The following IL1RAPL1 variants were observed in gnomAD, a reference collection of about 807,000 sequenced individuals.
IL1RAPL1 encodes the protein interleukin 1 receptor accessory protein like 1.
Under a neutral mutation model 48.4 loss-of-function variants are expected in IL1RAPL1, and 3 were observed. The observed-to-expected ratio is 0.06, with a 90% CI of 0.03 to 0.16. IL1RAPL1 has a LOEUF of 0.16. Ranked by LOEUF, IL1RAPL1 falls within the 10% of genes least tolerant of loss-of-function variation. The pLI, the probability that IL1RAPL1 is intolerant of heterozygous loss-of-function variation, is 1.00. For missense variants in IL1RAPL1, 349 were observed against 530.6 expected (o/e 0.66, Z 3.36); for synonymous variants, 185 against 187.7 (o/e 0.99, Z 0.12).
At chrX:29,659,457 A>C (rs1925777656) in intron 5 of IL1RAPL1, among the ~76,000 whole-genome samples, 1 of 112,161 alleles carries the variant, frequency 8.9e-6, no homozygotes, top group African/African-American at 3.2e-5. Context: ...AGGAAACTCC[A>C]TAGAGTTTTC....
In IL1RAPL1 at chrX:29,230,529, A is replaced by AAAAAAAAAAAAAAAAAC. The variant is rs869274263; in HGVS notation, c.83-52403_83-52402insAAAAAAAAAACAAAAAA. ...CAAAAAAAAAAAAAAAAAAAAAAAAAAAAAAACCTTGTTGTCTCTCAGGCA... is the reference window on the plus strand; with the variant it reads ...CAAAAAAAAAAAAAAAAAAAAAAAAAAAAAAAAAAAAAAAAACAAAAAACCTTGTTGTCTCTCAGGCA... On this transcript the variant is annotated intron_variant, in intron 2 of 10. Transcript: ENST00000378993. 1.9e-4 allele frequency among the ~76,000 whole-genome samples: 19 copies of AAAAAAAAAAAAAAAAAC among 98,649 alleles called. 1 individual carries two copies. Among genetic ancestry groups the AAAAAAAAAAAAAAAAAC allele is most frequent in the African/African-American group, 7.2e-4 (19 of 26,361 alleles). 85.7% of individuals were successfully genotyped at this position (98,649 alleles called of 115,157 possible).
intron 6 of IL1RAPL1, among the ~76,000 whole-genome samples, chrX:29,811,499 C>T (rs1394771535): frequency 9.3e-6 from 1 of 107,955 alleles, no homozygotes; most frequent in Admixed American, 1.0e-4. Context: ...TTGTGCCCAC[C>T]GGTATTAAGA....
intron 3 of IL1RAPL1, among the ~76,000 whole-genome samples, chrX:29,381,833 A>AAAAT (rs1365599735): frequency 0.041 from 1,008 of 24,574 alleles, 25 homozygotes; most frequent in Non-Finnish European, 0.072. Context: ...AAAAAAAAAA[A>AAAAT]ATATATATAT....
intron 5 of IL1RAPL1, among the ~76,000 whole-genome samples, chrX:29,537,096 T>C (rs932872381): frequency 2.7e-5 from 3 of 111,383 alleles, no homozygotes; most frequent in Admixed American, 9.6e-5. Context: ...ATCATGAAGT[T>C]GTTTTCAGTT....
intron 2 of IL1RAPL1, among the ~76,000 whole-genome samples, chrX:29,248,320 G>C (rs1347324996): frequency 9.0e-6 from 1 of 111,575 alleles, no homozygotes. Flanking sequence ...GGGAGGCTGA[G>C]GCACGAGAAT....
rs1569161947 is a variant in IL1RAPL1, at chrX:28,737,211, CTT to C, written c.-24-52107_-24-52106del. Among the ~76,000 whole-genome samples, 66 of 50,494 alleles carry C rather than the reference CTT, an allele frequency of 1.3e-3. 3 individuals are homozygous for C. Among genetic ancestry groups the C allele is most frequent in the Admixed American group, 8.8e-3 (24 of 2,730 alleles). The allele number at this position is 50,494 out of a possible 115,157, so 43.8% of individuals were successfully genotyped here. The stretch of plus-strand genomic sequence containing the variant: ...CCTTTCTCTTTCTTTCTTTCTCTTT[CTT>C]TCTTTCTTTCTTTCTTTCTTTCTTT... On this transcript the variant is annotated intron_variant, in intron 1 of 10. Coordinates refer to ENST00000378993, the MANE Select transcript of IL1RAPL1 (RefSeq NM_014271.4).
At chrX:28,767,387 C>T (rs1468369326) in intron 1 of IL1RAPL1, among the ~76,000 whole-genome samples, 2 of 110,112 alleles carry the variant, frequency 1.8e-5, no homozygotes, top group African/African-American at 3.3e-5. Flanking sequence ...CTGTGGTCTA[C>T]TTTGACTCTT....
At chrX:29,348,866 A>G (rs181571315) in intron 3 of IL1RAPL1, among the ~76,000 whole-genome samples, 57 of 111,581 alleles carry the variant, frequency 5.1e-4, no homozygotes, top group African/African-American at 1.8e-3. Flanking sequence ...ATTTTGTCCT[A>G]TGGACTCATC....
intron 5 of IL1RAPL1, among the ~76,000 whole-genome samples, chrX:29,632,824 A>G (rs1185403105): frequency 8.9e-6 from 1 of 111,835 alleles, no homozygotes; most frequent in Non-Finnish European, 1.9e-5. Context: ...TAATGATTTT[A>G]TGTCTGTCAA....
rs751928532 is a variant in IL1RAPL1, at chrX:29,207,078, G to T, written c.83-75860G>T. On this transcript the variant is annotated intron_variant, in intron 2 of 10. Coordinates refer to ENST00000378993, the MANE Select transcript of IL1RAPL1 (RefSeq NM_014271.4). ...TCTTGCCTTTTTTTGTGGAGTGGGG[G>T]CAGGGGGGAGGATTGAAAGAGGGAA... Among the ~76,000 whole-genome samples, 4 of 111,369 alleles carry T rather than the reference G, an allele frequency of 3.6e-5. No homozygotes were observed. In the South Asian group the frequency reaches 1.5e-3, roughly 42 times the overall value.
At chrX:29,673,116 C>A (rs1279839220) in intron 6 of IL1RAPL1, among the ~76,000 whole-genome samples, 1 of 111,938 alleles carries the variant, frequency 8.9e-6, no homozygotes, top group Non-Finnish European at 1.9e-5. Context: ...TTGGAATAGA[C>A]CAAAGGAAAA....
intron 1 of IL1RAPL1, among the ~76,000 whole-genome samples, chrX:28,658,078 T>C (rs1033074214): frequency 5.3e-5 from 6 of 112,410 alleles, no homozygotes; most frequent in Non-Finnish European, 1.1e-4. Flanking sequence ...GTTCCTTGGA[T>C]GATGAAAAGG....
intron 1 of IL1RAPL1, among the ~76,000 whole-genome samples, chrX:28,705,955 G>A (rs1935369727): frequency 1.8e-5 from 2 of 111,807 alleles, no homozygotes; most frequent in African/African-American, 6.5e-5. Flanking sequence ...GTGGTCAAAC[G>A]TTTTTGATGT....
intron 2 of IL1RAPL1, among the ~76,000 whole-genome samples, chrX:28,925,534 T>C (rs1182635307): frequency 8.9e-6 from 1 of 111,780 alleles, no homozygotes; most frequent in Non-Finnish European, 1.9e-5. Flanking sequence ...TTTAAACATT[T>C]TGTGAATTGC....
At chrX:28,725,271 C>G (rs754074361) in intron 1 of IL1RAPL1, among the ~76,000 whole-genome samples, 14 of 110,863 alleles carry the variant, frequency 1.3e-4, no homozygotes, top group East Asian at 8.6e-4. Context: ...TTTTAAAACA[C>G]AATCAAACAC....
intron 1 of IL1RAPL1, among the ~76,000 whole-genome samples, chrX:28,687,783 G>GA (rs1207000675): frequency 6.7e-4 from 61 of 91,071 alleles, no homozygotes; most frequent in Non-Finnish European, 1.1e-3. Context: ...CTCCGTCTCA[G>GA]AAAAAAAAAA....
At chrX:29,831,986 AT>A (rs1930889357) in intron 6 of IL1RAPL1, among the ~76,000 whole-genome samples, 2 of 111,545 alleles carry the variant, frequency 1.8e-5, no homozygotes, top group South Asian at 3.7e-4. Flanking sequence ...TGCTTATATG[AT>A]TTTTTCCATA....
chrX:29,824,565 A>G (rs187612372), intron 6 of IL1RAPL1, among the ~76,000 whole-genome samples: 55 of 112,464 alleles, frequency 4.9e-4, no homozygotes, highest in African/African-American at 1.7e-3. Flanking sequence ...CCATGTCTAC[A>G]AAGGCTGGCG....
At chrX:29,203,624 C>A (rs113526345) in intron 2 of IL1RAPL1, among the ~76,000 whole-genome samples, 1,293 of 106,158 alleles carry the variant, frequency 0.012, 22 homozygotes, top group African/African-American at 0.043. Flanking sequence ...GAGGCTGAGG[C>A]AGGAGAATCG....
Sources: allele counts gnomAD v4.1 joint callset (sites outside exome capture counted in the v4.1 genomes callset), GRCh38; gene constraint gnomAD v4.1.1; transcripts MANE v1.5; gene names NCBI Gene and HGNC (gene_info 2026-07-23, HGNC 2026-07-21).